Variants in EP400 observed in about 807,000 individuals in gnomAD.
The protein encoded by EP400 is E1A binding protein p400, also known as E1A-binding protein p400.
EP400 carries 105 observed loss-of-function variants against 354.1 expected under a neutral mutation model. That is an observed-to-expected ratio of 0.30 (90% CI 0.25 to 0.35). The LOEUF (loss-of-function observed/expected upper bound fraction) is 0.35. Among genes scored for constraint, EP400 ranks in the 10% least tolerant of loss-of-function variants. The pLI, the probability that EP400 is intolerant of heterozygous loss-of-function variation, is 1.00. For missense variants in EP400, 3,280 were observed against 4,121.0 expected, an observed-to-expected ratio of 0.80 and a Z score of 5.59; for synonymous variants, 1,646 against 1,716.9, an observed-to-expected ratio of 0.96 and a Z score of 1.02.
rs1487152773 is a variant in EP400 at position 132,013,335 on chromosome 12, G to A, written c.3612-155G>A. Among the ~76,000 whole-genome samples the A allele has an allele frequency of 6.6e-6, 1 of 152,268 alleles. No homozygotes were observed. The highest frequency in any genetic ancestry group is 2.4e-5 in the African/African-American group (1 of 41,468). The stretch of plus-strand genomic sequence containing the variant: ...AGCACATGGGCCAGAGAGCCCCAGA[G>A]CTGGGTCAGTGCAGCCCCCCTTTTC... On this transcript the variant is annotated intron_variant, in intron 17 of 52. Transcript: ENST00000389561. The surrounding 1 kb of genome is among the most constrained non-coding windows in gnomAD (Gnocchi z 4.5).
intron 16 of EP400, 98 bp from the exon 17 acceptor site, chr12:132,012,911 A>C: frequency 7.9e-7 from 1 of 1,270,244 alleles, no homozygotes; most frequent in Non-Finnish European, 1.1e-6. Context: ...GTGGGAACGG[A>C]GTCACTGGGT....
At chr12:131,983,905 TC>T (rs940072588) in intron 5 of EP400, among the ~76,000 whole-genome samples, 4 of 151,860 alleles carry the variant, frequency 2.6e-5, no homozygotes, top group Non-Finnish European at 5.9e-5. Flanking sequence ...AAGTGCTTTT[TC>T]TTTTTTTTTT....
In EP400 at chr12:131,989,989, A is replaced by G. The variant is rs1487721263; in HGVS notation, c.2435A>G (p.His812Arg). Residue 812 changes from histidine to arginine, a missense_variant, in exon 8 of 53, where the codon CAC becomes CGC. Physicochemically the swap from His to Arg is conservative, Grantham distance 29 (BLOSUM62 0). Around this residue, in one of 20 missense-constraint regions of EP400, gnomAD observed 800 missense variants for 840.0 expected, o/e 0.95. Transcript: ENST00000389561. Reference sequence around the variant, plus strand: ...CTCGTTAGAACTGTGGTGCGCCATCACGAGGAGAAGCAGCTCCGTGAAGAA... The same window carrying G: ...CTCGTTAGAACTGTGGTGCGCCATCGCGAGGAGAAGCAGCTCCGTGAAGAA... Reference protein sequence around the residue: ...KKLVRTVVRHHEEKQLREERG... With the variant: ...KKLVRTVVRHREEKQLREERG... 2 of 1,613,924 alleles carry G rather than the reference A, an allele frequency of 1.2e-6. No homozygotes were observed. The highest frequency in any genetic ancestry group is 2.2e-5 in the East Asian group (1 of 44,886).
chr12:132,008,725 C>A (rs949108990), intron 15 of EP400, among the ~76,000 whole-genome samples: 17 of 151,250 alleles, frequency 1.1e-4, no homozygotes, highest in African/African-American at 3.4e-4. Context: ...CAAGGCGATC[C>A]TCCTGCCTCA....
intron 22 of EP400, among the ~76,000 whole-genome samples, chr12:132,020,824 A>G (rs1387810174): frequency 6.6e-6 from 1 of 152,218 alleles, no homozygotes; most frequent in Non-Finnish European, 1.5e-5. Flanking sequence ...GCTGACTTCT[A>G]ACAGTTTCTG....
chr12:132,069,429 C>G, intron 50 of EP400, 66 bp from the exon 51 acceptor site: 4 of 1,576,476 alleles, frequency 2.5e-6, no homozygotes, highest in Non-Finnish European at 3.5e-6. Context: ...CCAGAGCGGG[C>G]AGGCGTCCCG....
intron 32 of EP400, among the ~76,000 whole-genome samples, chr12:132,041,302 A>G (rs950319159): frequency 6.6e-6 from 1 of 152,240 alleles, no homozygotes; most frequent in African/African-American, 2.4e-5. Flanking sequence ...AAGTGTACAC[A>G]TTACAAAGAT....
At position 132,052,075 on chromosome 12, in the gene EP400, G is replaced by T. The variant is rs1565929600; in HGVS notation, c.7395-1071G>T. 6.6e-6 allele frequency among the ~76,000 whole-genome samples: 1 copy of T among 152,146 alleles called. No individual in the cohort carries two copies. The highest frequency in any genetic ancestry group is 1.5e-5 in the Non-Finnish European group (1 of 68,036). ...TCCTAGGTTATGATTATAGAGCGAGGATTATTATAATATTGGAATAAAGAG... is the reference window on the plus strand; with the variant it reads ...TCCTAGGTTATGATTATAGAGCGAGTATTATTATAATATTGGAATAAAGAG... On this transcript the variant is annotated intron_variant, in intron 41 of 52. Coordinates refer to ENST00000389561, the MANE Select transcript of EP400 (RefSeq NM_015409.5). This position sits in a 1 kb window ranked among gnomAD's most constrained non-coding sequence, Gnocchi z 4.4.
At chr12:132,055,883 T>C (rs890000095) in intron 45 of EP400, among the ~76,000 whole-genome samples, 2 of 151,710 alleles carry the variant, frequency 1.3e-5, no homozygotes, top group African/African-American at 4.9e-5. Flanking sequence ...ACTGTGCCCA[T>C]GTGGGGAAGC....
chr12:132,029,575 TG>T lies in EP400; in HGVS notation c.5382-123del. On this transcript the variant is annotated intron_variant, in intron 27 of 52. Coordinates refer to ENST00000389561, the MANE Select transcript of EP400 (RefSeq NM_015409.5). This position sits in a 1 kb window ranked among gnomAD's most constrained non-coding sequence, Gnocchi z 4.7. The stretch of plus-strand genomic sequence containing the variant: ...GCCAACACCCACATCCCCATGTGAC[TG>T]GGTTGAGCCCTGCTGTTTCCTGGGA... The T allele has an allele frequency of 9.4e-7, 1 of 1,067,920 alleles. No homozygotes were observed. The highest frequency in any genetic ancestry group is 1.4e-6 in the Non-Finnish European group (1 of 730,724). The allele number at this position is 1,067,920 out of a possible 1,614,324, so 66.2% of individuals were successfully genotyped here.
Position 132,027,438 on chromosome 12 carries a change from T to G in EP400, c.5016T>G (p.Val1672=). 6.2e-7 allele frequency: 1 copy of G among 1,614,100 alleles called. No individual in the cohort carries two copies. Among genetic ancestry groups the G allele is most frequent in the Non-Finnish European group, 8.5e-7 (1 of 1,180,048 alleles). ...ACCTCTTCCTTTATGCATTTGTAGT[T>G]GGCGTTCCGGGCCGCGTGGCGGTGA... ...GPSPAPLTPQ[V]GVPGRVAVNA... Residue 1672 remains valine (V), a splice_region_variant and synonymous_variant, in exon 26 of 53, where the codon GTT becomes GTG. Transcript: ENST00000389561. This position sits in a 1 kb window ranked among gnomAD's most constrained non-coding sequence, Gnocchi z 4.9.
chr12:132,014,078 G>A (rs1893846645), intron 19 of EP400, among the ~76,000 whole-genome samples, 165 bp downstream of exon 19: 1 of 152,250 alleles, frequency 6.6e-6, no homozygotes, highest in African/African-American at 2.4e-5. Context: ...AGCCTCAGGT[G>A]TTTCCAGCTG....
At chr12:132,064,570 T>C in intron 47 of EP400, 98 bp from the exon 48 acceptor site, 1 of 1,481,546 alleles carries the variant, frequency 6.7e-7, no homozygotes, top group East Asian at 2.3e-5. Context: ...TGCTTTGGTA[T>C]TTAATGGGCA....
At position 132,062,458 on chromosome 12, in the gene EP400, C is replaced by G. The variant is rs1593383303; in HGVS notation, c.8099-8C>G. ...CTGTCCAGACCTAATGAGCAAACCT[C>G]TTCATAGCCACAGGAGTTCAGCTCC... is the stretch of plus-strand genomic sequence containing the variant. On this transcript the variant is annotated splice_polypyrimidine_tract_variant and splice_region_variant and intron_variant, in intron 46 of 52. Transcript: ENST00000389561. 1 of 1,613,092 alleles carries G rather than the reference C, an allele frequency of 6.2e-7. No homozygotes were observed. Among genetic ancestry groups the G allele is most frequent in the East Asian group, 2.2e-5 (1 of 44,890 alleles).
chr12:131,956,111 C>G (rs930519413), intron 1 of EP400, among the ~76,000 whole-genome samples: 1 of 152,178 alleles, frequency 6.6e-6, no homozygotes, highest in Non-Finnish European at 1.5e-5. Context: ...CCCCACCATT[C>G]TCCTTGTCCG....
At chr12:131,992,030 C>A (rs1893056431) in intron 10 of EP400, 143 bp from the exon 11 acceptor site, 2 of 799,406 alleles carry the variant, frequency 2.5e-6, no homozygotes, top group Non-Finnish European at 4.3e-6. Flanking sequence ...CGCTGCCCTG[C>A]CCCGACCCCA....
Position 132,050,975 on chromosome 12 carries a change from C to T in EP400, c.7394+320C>T. 4.2e-6 allele frequency: 2 copies of T among 473,738 alleles called. No homozygotes were observed. The highest frequency in any genetic ancestry group is 4.7e-5 in the South Asian group (2 of 42,116). The allele number at this position is 473,738 out of a possible 1,614,324, so 29.3% of individuals were successfully genotyped here. On this transcript the variant is annotated intron_variant, in intron 41 of 52. Transcript: ENST00000389561. The surrounding 1 kb of genome is among the most constrained non-coding windows in gnomAD (Gnocchi z 4.8). ...GGGCTTTCTTCCTCACACCCCACCT[C>T]TCAGGCACTGATTTTGTTCGCCATA... is the stretch of plus-strand genomic sequence containing the variant.
In EP400 at chr12:131,992,228, A is replaced by G; in HGVS notation, c.2735A>G (p.Glu912Gly). The change falls in exon 11 of 53, where the codon GAA becomes GGA. Residue 912 changes from glutamate (E) to glycine (G), a missense_variant and splice_region_variant. This residue lies in a region of EP400 where 800 missense variants were observed against 840.0 expected (regional missense o/e 0.95). Coordinates refer to ENST00000389561, the MANE Select transcript of EP400 (RefSeq NM_015409.5). ...GCTAGCATATCTTTGACTGATGACGAAGGTCTGTTCCCCCTCAGCACTATC... is the reference window on the plus strand; with the variant it reads ...GCTAGCATATCTTTGACTGATGACGGAGGTCTGTTCCCCCTCAGCACTATC... ...RKASISLTDD[E>G]VDDEEETIEE... The G allele has an allele frequency of 1.9e-6, 3 of 1,610,198 alleles. No individual in the cohort carries two copies. Among genetic ancestry groups the G allele is most frequent in the Non-Finnish European group, 2.5e-6 (3 of 1,179,648 alleles).
intron 47 of EP400, among the ~76,000 whole-genome samples, chr12:132,063,646 T>C (rs1217023203): frequency 6.6e-6 from 1 of 152,174 alleles, no homozygotes; most frequent in Non-Finnish European, 1.5e-5. Context: ...CCGGAGTGCT[T>C]GAGTCTGGGC....
Sources: gnomAD v4.1 joint callset for allele counts (sites outside exome capture counted in the v4.1 genomes callset) on GRCh38, gnomAD v4.1.1 for gene constraint, gnomAD v4.1.1 regional missense constraint, Gnocchi (gnomAD v3.1) non-coding constraint, MANE v1.5 for transcripts, NCBI Gene and HGNC (gene_info 2026-07-23, HGNC 2026-07-21) for gene names.